Variants in DHRS9 observed in about 807,000 individuals in gnomAD.
DHRS9 encodes the protein dehydrogenase/reductase 9, also known as dehydrogenase/reductase SDR family member 9.
In DHRS9, 18 loss-of-function variants were observed where a neutral mutation model predicts 26.6. The ratio of observed to expected loss-of-function variants is 0.68; its 90% CI spans 0.47 to 1.00. The LOEUF is 1.00. DHRS9 is among the 50% of genes least tolerant of loss of function. The pLI is 0.00. For synonymous variants in DHRS9, 134 were observed against 141.1 expected, an observed-to-expected ratio of 0.95 and a Z score of 0.36; for missense variants, 425 against 378.7, an observed-to-expected ratio of 1.12 and a Z score of -1.01.
chr2:169,095,724 T>C lies in DHRS9; in HGVS notation c.917T>C (p.Leu306Ser). Reference protein sequence around the residue: ...HMPAALQDFLLLKQKAELANP... With the variant: ...HMPAALQDFLSLKQKAELANP... ...CCAGCAGCTTTGCAAGACTTTTTAT[T>C]GTTGAAACAGAAAGCAGAGCTGGCT... Residue 306 changes from leucine to serine, a missense_variant, in exon 5 of 5, where the codon TTG (leucine) becomes TCG (serine). Coordinates refer to ENST00000674881, the MANE Select transcript of DHRS9 (RefSeq NM_001376924.1). 2 of 1,613,882 alleles carry C rather than the reference T, an allele frequency of 1.2e-6. No individual in the cohort carries two copies. The highest frequency in any genetic ancestry group is 1.7e-6 in the Non-Finnish European group (2 of 1,179,854).
At chr2:169,091,680 C>A in intron 3 of DHRS9, 110 bp from the exon 4 acceptor site, 2 of 1,211,004 alleles carry the variant, frequency 1.7e-6, no homozygotes, top group Non-Finnish European at 2.3e-6. Flanking sequence ...CTTTCAAATG[C>A]ACCCAAATCT....
chr2:169,071,036 C>T (rs1405743831), intron 1 of DHRS9, among the ~76,000 whole-genome samples: 1 of 151,920 alleles, frequency 6.6e-6, no homozygotes, highest in Non-Finnish European at 1.5e-5. Context: ...TGCACTCCAG[C>T]CTGGGCGACA....
chr2:169,078,926 ATTCTCCT>A (rs1262167181), intron 1 of DHRS9, among the ~76,000 whole-genome samples: 2,450 of 27,522 alleles, frequency 0.089, 70 homozygotes, highest in African/African-American at 0.43. Flanking sequence ...TGGGTTCACG[ATTCTCCT>A]GCCTGATTCT....
chr2:169,079,583 G>T (rs1165121033), intron 1 of DHRS9, among the ~76,000 whole-genome samples: 1 of 151,866 alleles, frequency 6.6e-6, no homozygotes, highest in African/African-American at 2.4e-5. Flanking sequence ...GCTGGGCGTG[G>T]TGGCTCACGC....
In DHRS9 at chr2:169,095,684, C is replaced by T. The variant is rs772538911; in HGVS notation, c.877C>T (p.Pro293Ser). The change falls in exon 5 of 5, where the codon CCT becomes TCT. Residue 293 changes from proline to serine, a missense_variant. Transcript: ENST00000674881. Reference sequence around the variant, plus strand: ...AAAAGATGCCAAAATTTTCTGGATACCTCTGTCTCACATGCCAGCAGCTTT... The same window carrying T: ...AAAAGATGCCAAAATTTTCTGGATATCTCTGTCTCACATGCCAGCAGCTTT... ...AGKDAKIFWI[P>S]LSHMPAALQD... 1.2e-6 allele frequency: 2 copies of T among 1,613,982 alleles called. No homozygotes were observed. The highest frequency in any genetic ancestry group is 4.5e-5 in the East Asian group (2 of 44,876).
chr2:169,068,909 T>C (rs1683721899), upstream of DHRS9, among the ~76,000 whole-genome samples: 1 of 152,140 alleles, frequency 6.6e-6, no homozygotes, highest in Non-Finnish European at 1.5e-5. Flanking sequence ...CCTCAGTACT[T>C]TCCACTGTGG....
chr2:169,089,397 T>C (rs941879202), intron 3 of DHRS9, among the ~76,000 whole-genome samples: 7 of 152,140 alleles, frequency 4.6e-5, no homozygotes, highest in Admixed American at 3.9e-4. Context: ...AGCCAGAGTA[T>C]ACTTAGTGCA....
intron 3 of DHRS9, among the ~76,000 whole-genome samples, chr2:169,089,942 T>G (rs963333114): frequency 6.6e-6 from 1 of 152,188 alleles, no homozygotes; most frequent in Admixed American, 6.5e-5. Context: ...TTGACCTTTG[T>G]TTCCACTCTA....
At chr2:169,081,033 CTCT>C (rs1684164986) in intron 1 of DHRS9, 6 of 646,452 alleles carry the variant, frequency 9.3e-6, no homozygotes, top group South Asian at 6.8e-5. Context: ...ACAAAAAATG[CTCT>C]TCTTCTCCTG....
chr2:169,083,524 C>T lies in DHRS9; in HGVS notation c.509C>T (p.Ala170Val). The T allele has an allele frequency of 6.2e-7, 1 of 1,614,038 alleles. No homozygotes were observed. The highest frequency in any genetic ancestry group is 1.7e-5 in the Admixed American group (1 of 59,990). Residue 170 changes from alanine to valine, a missense_variant, in exon 3 of 5, where the codon GCA (alanine) becomes GTA (valine). Physicochemically the swap from Ala to Val is moderately conservative, Grantham distance 64. Transcript: ENST00000674881. ...INVSSVGGRL[A>V]IVGGGYTPSK... The stretch of plus-strand genomic sequence containing the variant: ...GTCTCCAGTGTTGGAGGTCGCCTTG[C>T]AATCGTTGGAGGGGGCTATACTCCA...
chr2:169,081,397 G>T lies in DHRS9; in HGVS notation c.-59-126G>T. The T allele has an allele frequency of 2.4e-6, 3 of 1,238,200 alleles. No individual in the cohort carries two copies. In the African/African-American group the frequency reaches 4.6e-5, roughly 19 times the overall value. 76.7% of individuals were successfully genotyped at this position (1,238,200 alleles called of 1,614,324 possible). The stretch of plus-strand genomic sequence containing the variant: ...CTTCCCAACAAACAACCAAATAAGA[G>T]TTATTGTTTCTTTAACTTTCTATTT... On this transcript the variant is annotated intron_variant, in intron 1 of 4. Coordinates refer to ENST00000674881, the MANE Select transcript of DHRS9 (RefSeq NM_001376924.1).
In DHRS9 at chr2:169,091,962, C is replaced by A. The variant is rs946477266; in HGVS notation, c.736+9C>A. On this transcript the variant is annotated intron_variant, in intron 4 of 4. Coordinates refer to ENST00000674881, the MANE Select transcript of DHRS9 (RefSeq NM_001376924.1). ...AGGTTACATTGAAAAAAGTGAGTTTCCGGGCGGTGCCAATGTCCTCTAGAA... is the reference window on the plus strand; with the variant it reads ...AGGTTACATTGAAAAAAGTGAGTTTACGGGCGGTGCCAATGTCCTCTAGAA... 6 of 1,612,454 alleles carry A rather than the reference C, an allele frequency of 3.7e-6. No homozygotes were observed. Among genetic ancestry groups the A allele is most frequent in the African/African-American group, 1.3e-5 (1 of 74,800 alleles).
At chr2:169,080,264 C>G (rs778203843) in intron 1 of DHRS9, among the ~76,000 whole-genome samples, 2 of 152,136 alleles carry the variant, frequency 1.3e-5, no homozygotes, top group Non-Finnish European at 2.9e-5. Flanking sequence ...CAGGAGGAAG[C>G]TTTTTGGGTC....
At chr2:169,079,921 GA>G (rs1684105751) in intron 1 of DHRS9, among the ~76,000 whole-genome samples, 3 of 4,094 alleles carry the variant, frequency 7.3e-4, no homozygotes, top group Admixed American at 4.6e-3. Flanking sequence ...GAGGGAGGGG[GA>G]GAGAGAGAGA....
chr2:169,072,792 A>G, intron 1 of DHRS9: 1 of 298,712 alleles, frequency 3.3e-6, no homozygotes, highest in Non-Finnish European at 4.9e-6. Flanking sequence ...TCGACTGATA[A>G]TGTGTTCATC....
chr2:169,074,845 G>A (rs541416706), intron 1 of DHRS9, among the ~76,000 whole-genome samples: 2 of 152,274 alleles, frequency 1.3e-5, no homozygotes, highest in South Asian at 2.1e-4. Flanking sequence ...GATTCAGACT[G>A]TAGGCCTAAA....
At position 169,092,057 on chromosome 2, in the gene DHRS9, A is replaced by C. The variant is rs577628801; in HGVS notation, c.736+104A>C. 4.0e-6 allele frequency: 5 copies of C among 1,242,448 alleles called. No homozygotes were observed. The East Asian group carries it at 1.3e-4, about 31-fold the overall frequency. The allele number at this position is 1,242,448 out of a possible 1,614,324, so 77.0% of individuals were successfully genotyped here. A position where few individuals can be genotyped will look rare whatever the true frequency, so the allele number is the denominator to read the frequency against. On this transcript the variant is annotated intron_variant, in intron 4 of 4. Transcript: ENST00000674881. Reference sequence around the variant, plus strand: ...ATAACAAGGTTCTGAGTAATACCCCAATAAGGATCTTAACCATGGATCAGG... The same window carrying C: ...ATAACAAGGTTCTGAGTAATACCCCCATAAGGATCTTAACCATGGATCAGG...
intron 3 of DHRS9, among the ~76,000 whole-genome samples, chr2:169,090,910 T>G (rs1189789893): frequency 6.6e-6 from 1 of 152,186 alleles, no homozygotes; most frequent in Non-Finnish European, 1.5e-5. Flanking sequence ...CCGTCAGCCG[T>G]TGCAATCACA....
rs1684258344 is a variant in DHRS9 at position 169,083,535 on chromosome 2, G to A, written c.520G>A (p.Gly174Arg). ...SVGGRLAIVG[G>R]GYTPSKYAVE... Reference sequence around the variant, plus strand: ...TGGAGGTCGCCTTGCAATCGTTGGAGGGGGCTATACTCCATCCAAATATGC... The same window carrying A: ...TGGAGGTCGCCTTGCAATCGTTGGAAGGGGCTATACTCCATCCAAATATGC... Residue 174 changes from glycine (G) to arginine (R), a missense_variant, in exon 3 of 5, where the codon GGG (glycine) becomes AGG (arginine). Physicochemically the swap from Gly to Arg is moderately radical, Grantham distance 125. Coordinates refer to ENST00000674881, the MANE Select transcript of DHRS9 (RefSeq NM_001376924.1). 1 of 1,614,022 alleles carries A rather than the reference G, an allele frequency of 6.2e-7. No homozygotes were observed. Among genetic ancestry groups the A allele is most frequent in the Non-Finnish European group, 8.5e-7 (1 of 1,179,976 alleles).
Sources: allele counts gnomAD v4.1 joint callset (sites outside exome capture counted in the v4.1 genomes callset), GRCh38; gene constraint gnomAD v4.1.1; transcripts MANE v1.5; gene names NCBI Gene and HGNC (gene_info 2026-07-23, HGNC 2026-07-21).